XRCC6: variants seen among roughly 807,000 people sequenced by gnomAD.
The protein encoded by XRCC6 is DNA repair protein Ku70.
Under a neutral mutation model 65.7 loss-of-function variants are expected in XRCC6, and 5 were observed. The observed-to-expected ratio is 0.08, with a 90% CI of 0.04 to 0.16. The LOEUF (loss-of-function observed/expected upper bound fraction) is 0.16, where lower values mean the gene tolerates loss of function less well. Ranked by LOEUF, XRCC6 falls within the 10% of genes least tolerant of loss-of-function variation. XRCC6 has a pLI of 1.00. For missense variants in XRCC6, 447 were observed against 738.1 expected, an observed-to-expected ratio of 0.61 and a Z score of 4.57; for synonymous variants, 270 against 270.6, an observed-to-expected ratio of 1.00 and a Z score of 0.02.
intron 2 of XRCC6, among the ~76,000 whole-genome samples, chr22:41,627,387 G>T (rs1046491287): frequency 7.2e-4 from 109 of 152,126 alleles, no homozygotes; most frequent in African/African-American, 2.6e-3. Flanking sequence ...GAGGTGGGTG[G>T]ATCACCTGAG....
chr22:41,644,854 T>TA (rs2033885843), intron 6 of XRCC6, among the ~76,000 whole-genome samples: 1 of 152,092 alleles, frequency 6.6e-6, no homozygotes, highest in Non-Finnish European at 1.5e-5. Flanking sequence ...TCTGGAGTAA[T>TA]ATGTCATGAT....
At position 41,653,662 on chromosome 22, in the gene XRCC6, T is replaced by C. The variant is rs1337196133; in HGVS notation, c.1263T>C (p.Asp421=). ...VALVPQEEEL[D]DQKIQVTPPG... Reference sequence around the variant, plus strand: ...TGGTGCCACAGGAAGAAGAGTTGGATGACCAGAAAATTCAGGTGACTCCTC... The same window carrying C: ...TGGTGCCACAGGAAGAAGAGTTGGACGACCAGAAAATTCAGGTGACTCCTC... Residue 421 remains aspartate (D), a synonymous_variant, in exon 9 of 13, where the codon GAT becomes GAC. Coordinates refer to ENST00000360079, the MANE Select transcript of XRCC6 (RefSeq NM_001469.5). 6.2e-7 allele frequency: 1 copy of C among 1,614,008 alleles called. No individual in the cohort carries two copies. Among genetic ancestry groups the C allele is most frequent in the Non-Finnish European group, 8.5e-7 (1 of 1,179,990 alleles).
Position 41,626,779 on chromosome 22 carries a change from A to C in XRCC6, c.83-1339A>C, listed in dbSNP as rs1175131657. On this transcript the variant is annotated intron_variant, in intron 2 of 12. Transcript: ENST00000360079. ...CAGCCTCCCGAGTAGCTGGGACTGC[A>C]GGTGTCCACCACCACGCCCAGCTAA... is the stretch of plus-strand genomic sequence containing the variant. Among the ~76,000 whole-genome samples, 3 of 151,962 alleles carry C rather than the reference A, an allele frequency of 2.0e-5. No homozygotes were observed. The East Asian group carries it at 5.8e-4, about 29-fold the overall frequency.
At chr22:41,658,148 T>TA in intron 10 of XRCC6, 104 bp from the exon 11 acceptor site, 1 of 1,163,882 alleles carries the variant, frequency 8.6e-7, no homozygotes, top group East Asian at 2.5e-5. Flanking sequence ...TGGGGTGTTT[T>TA]TCTCAGCTCA....
intron 8 of XRCC6, 90 bp from the exon 9 acceptor site, chr22:41,653,439 A>T: frequency 1.6e-6 from 2 of 1,268,454 alleles, no homozygotes; most frequent in Non-Finnish European, 2.2e-6. Flanking sequence ...TAAGCCCTTT[A>T]AAGAAAATGG....
intron 12 of XRCC6, among the ~76,000 whole-genome samples, chr22:41,663,391 T>C (rs530379422): frequency 6.6e-6 from 1 of 152,348 alleles, no homozygotes; most frequent in African/African-American, 2.4e-5. Context: ...TTGGGTAAAC[T>C]GATGGCATTC....
chr22:41,628,353 G>A, intron 3 of XRCC6, 123 bp downstream of exon 3: 1 of 691,726 alleles, frequency 1.4e-6, no homozygotes, highest in Non-Finnish European at 2.4e-6. Context: ...GAGCCTAGGA[G>A]TTTGAGACCA....
intron 9 of XRCC6, among the ~76,000 whole-genome samples, chr22:41,654,697 A>G (rs1374217262): frequency 6.6e-6 from 1 of 152,204 alleles, no homozygotes; most frequent in African/African-American, 2.4e-5. Context: ...GGTAAGGAAA[A>G]AAGGGGCGAG....
rs752968468 is a variant in XRCC6, at chr22:41,636,786, C to T, written c.589+16C>T. On this transcript the variant is annotated intron_variant, in intron 5 of 12. Transcript: ENST00000360079. The stretch of plus-strand genomic sequence containing the variant: ...CGAGATACAGGTGGGCATATTTCCC[C>T]GTTCTCTTAAATTGGCACTTAATTA... 1.9e-5 allele frequency: 30 copies of T among 1,605,028 alleles called. No individual in the cohort carries two copies. The highest frequency in any genetic ancestry group is 1.3e-4 in the South Asian group (12 of 89,120).
At chr22:41,651,361 A>ATTTTTTTTTTTTTTTTTTTTTTTTT (rs764795746) in intron 8 of XRCC6, among the ~76,000 whole-genome samples, 2 of 49,676 alleles carry the variant, frequency 4.0e-5, no homozygotes, top group Non-Finnish European at 8.9e-5. Flanking sequence ...AGTTAAACAG[A>ATTTTTTTTTTTTTTTTTTTTTTTTT]TTTTTTTTTT....
chr22:41,655,286 T>G (rs1026670401), intron 9 of XRCC6, among the ~76,000 whole-genome samples: 1 of 151,538 alleles, frequency 6.6e-6, no homozygotes, highest in Non-Finnish European at 1.5e-5. Flanking sequence ...TAAGAAGGAA[T>G]CTTCGAACCA....
chr22:41,657,454 C>T (rs187403806), intron 10 of XRCC6, among the ~76,000 whole-genome samples: 86 of 150,730 alleles, frequency 5.7e-4, no homozygotes, highest in African/African-American at 2.1e-3. Context: ...TAATGGGACA[C>T]TAAACGTAAT....
intron 2 of XRCC6, 39 bp from the exon 3 acceptor site, chr22:41,628,079 A>G: frequency 7.0e-7 from 1 of 1,438,508 alleles, no homozygotes; most frequent in Non-Finnish European, 9.6e-7. Flanking sequence ...CAAATACGAA[A>G]ACAAGGACAA....
At chr22:41,651,359 AGATTTTTTTTTTTT>A (rs1569094435) in intron 8 of XRCC6, among the ~76,000 whole-genome samples, 4 of 120,458 alleles carry the variant, frequency 3.3e-5, no homozygotes, top group Non-Finnish European at 5.0e-5. Context: ...AAAGTTAAAC[AGATTTTTTTTTTTT>A]TTTTTTTTTT....
rs753933256 is a variant in XRCC6, at chr22:41,642,628, T to C, written c.774-4268T>C. Among the ~76,000 whole-genome samples, 5 of 152,334 alleles carry C rather than the reference T, an allele frequency of 3.3e-5. No individual in the cohort carries two copies. The East Asian group carries it at 7.7e-4, about 23-fold the overall frequency. On this transcript the variant is annotated intron_variant, in intron 6 of 12. Transcript: ENST00000360079. The stretch of plus-strand genomic sequence containing the variant: ...GTGAAGAATGTCATTGGTATTTTGA[T>C]AGGGATTACATTGAATCTGTAGATT...
intron 12 of XRCC6, chr22:41,661,698 A>C (rs1442085445): frequency 2.4e-6 from 1 of 423,222 alleles, no homozygotes. Flanking sequence ...AAAAGTGAAA[A>C]CTAGAGCTAC....
chr22:41,634,182 C>G (rs1013877738), intron 3 of XRCC6, among the ~76,000 whole-genome samples: 1 of 151,156 alleles, frequency 6.6e-6, no homozygotes, highest in Non-Finnish European at 1.5e-5. Flanking sequence ...GGTTCCAAAA[C>G]TTAATTTTTT....
chr22:41,628,347 C>G (rs1356592872), intron 3 of XRCC6, 117 bp downstream of exon 3: 1 of 797,648 alleles, frequency 1.3e-6, no homozygotes, highest in Non-Finnish European at 1.9e-6. Context: ...TCACTTGAGC[C>G]TAGGAGTTTG....
intron 2 of XRCC6, among the ~76,000 whole-genome samples, chr22:41,623,426 C>T (rs529755871): frequency 2.6e-5 from 4 of 151,564 alleles, no homozygotes; most frequent in South Asian, 2.1e-4. Context: ...CTTGCTCTGT[C>T]GCCCAGGCTG....
Sources: gnomAD v4.1 joint callset for allele counts (sites outside exome capture counted in the v4.1 genomes callset) on GRCh38, gnomAD v4.1.1 for gene constraint, MANE v1.5 for transcripts, NCBI Gene and HGNC (gene_info 2026-07-23, HGNC 2026-07-21) for gene names.